TSC2: variants seen among roughly 807,000 people sequenced by gnomAD.
TSC2 encodes tuberin.
Under a neutral mutation model 202.2 loss-of-function variants are expected in TSC2, and 29 were observed. The observed-to-expected ratio is 0.14, with a 90% CI of 0.11 to 0.20. The LOEUF (loss-of-function observed/expected upper bound fraction) is 0.20, where lower values mean the gene tolerates loss of function less well. Ranked by LOEUF, TSC2 falls within the 10% of genes least tolerant of loss-of-function variation. TSC2 has a pLI of 1.00. For missense variants in TSC2, 2,429 were observed against 2,420.0 expected (o/e 1.00, Z -0.08); for synonymous variants, 1,349 against 1,044.0 (o/e 1.29, Z -5.63).
chr16:2,062,690 A>G, intron 13 of TSC2, 90 bp downstream of exon 13: 4 of 1,339,898 alleles, frequency 3.0e-6, no homozygotes, highest in Non-Finnish European at 2.1e-6. Flanking sequence ...AGGATGCCCG[A>G]TGAGCAGGGC....
intron 14 of TSC2, 144 bp from the exon 15 acceptor site, chr16:2,064,128 G>C (rs533009203): frequency 7.5e-7 from 1 of 1,338,394 alleles, no homozygotes; most frequent in African/African-American, 1.4e-5. Context: ...GCGCTCAGCG[G>C]GTGCTTGTGC....
chr16:2,073,802 A>C (rs1370874301), intron 21 of TSC2, among the ~76,000 whole-genome samples: 1 of 152,210 alleles, frequency 6.6e-6, no homozygotes, highest in Admixed American at 6.5e-5. Flanking sequence ...CTGGCAGGCC[A>C]TCTGGCCCCG....
chr16:2,076,480 C>G lies in TSC2; in HGVS notation c.2743-11C>G, dbSNP rs137854426. ...CCACCCCTCACTGTCTGGGTGTGCTCACTCTGCCAGGGCCTGCGGTCCAAT... is the reference window on the plus strand; with the variant it reads ...CCACCCCTCACTGTCTGGGTGTGCTGACTCTGCCAGGGCCTGCGGTCCAAT... On this transcript the variant is annotated splice_polypyrimidine_tract_variant and intron_variant, in intron 24 of 41. Coordinates refer to ENST00000219476, the MANE Select transcript of TSC2 (RefSeq NM_000548.5). 1 of 1,613,212 alleles carries G rather than the reference C, an allele frequency of 6.2e-7. No individual in the cohort carries two copies. The highest frequency in any genetic ancestry group is 2.2e-5 in the East Asian group (1 of 44,860).
rs45517332 is a variant in TSC2, at chr16:2,084,441, G to C, written c.4219G>C (p.Val1407Leu). The change falls in exon 34 of 42, where the codon GTG becomes CTG. Residue 1407 changes from valine (V) to leucine (L), a missense_variant. Physicochemically the swap from Val to Leu is conservative, Grantham distance 32 (BLOSUM62 1). Transcript: ENST00000219476. ...CGGGGACCCTGGGGACAAGGCCGAC[G>C]TGGGCCGGCTGAGCCCTGAGGTTAA... ...ILGDPGDKAD[V>L]GRLSPEVKAR... is the part of the protein sequence containing the mutation. 6.2e-7 allele frequency: 1 copy of C among 1,609,738 alleles called. No individual in the cohort carries two copies. The highest frequency in any genetic ancestry group is 1.1e-5 in the South Asian group (1 of 90,480).
At chr16:2,064,688 A>G in intron 15 of TSC2, 1 of 561,020 alleles carries the variant, frequency 1.8e-6, no homozygotes, top group Non-Finnish European at 3.2e-6. Flanking sequence ...CCGACGCTGG[A>G]GCCCAGACCT....
In TSC2 at chr16:2,048,557, G is replaced by C. The variant is rs1370409769; in HGVS notation, c.-29-30G>C. ...GGAAGGTGGGCAGAGGTGTTGCTCA[G>C]ATGTCCCCATTCCTGTTTCGTTTGC... On this transcript the variant is annotated intron_variant, in intron 1 of 41. Transcript: ENST00000219476. The C allele has an allele frequency of 2.5e-6, 4 of 1,612,884 alleles. No individual in the cohort carries two copies. The African/African-American group carries it at 4.0e-5, about 16-fold the overall frequency.
Position 2,056,512 on chromosome 16 carries a change from GGA to G in TSC2, c.649-126_649-125del, listed in dbSNP as rs2085847458. The G allele has an allele frequency of 4.3e-6, 6 of 1,391,192 alleles. No individual in the cohort carries two copies. The East Asian group carries it at 9.9e-5, about 23-fold the overall frequency. The allele number at this position is 1,391,192 out of a possible 1,614,324, so 86.2% of individuals were successfully genotyped here. Reference sequence around the variant, plus strand: ...CACATGCCCGCTTGCCCTGTGGCTTGGAGAGAGGGTGCCATGGCAGCGGGGAG... The same window carrying G: ...CACATGCCCGCTTGCCCTGTGGCTTGGAGAGGGTGCCATGGCAGCGGGGAG... On this transcript the variant is annotated intron_variant, in intron 7 of 41. Coordinates refer to ENST00000219476, the MANE Select transcript of TSC2 (RefSeq NM_000548.5).
chr16:2,048,201 T>C (rs1290060788), intron 1 of TSC2, 136 bp downstream of exon 1: 9 of 1,523,432 alleles, frequency 5.9e-6, no homozygotes, highest in Non-Finnish European at 6.2e-6. Context: ...GAGCATCCCT[T>C]AGTTTTAAGT....
Position 2,077,805 on chromosome 16 carries a change from C to T in TSC2, c.2966+79C>T, listed in dbSNP as rs1243167244. On this transcript the variant is annotated intron_variant, in intron 26 of 41. Coordinates refer to ENST00000219476, the MANE Select transcript of TSC2 (RefSeq NM_000548.5). ...ACCTGGGTGGCAGTGCATGGGGCTGCTTGCATGACCTCATCGTCTGCCCGT... is the reference window on the plus strand; with the variant it reads ...ACCTGGGTGGCAGTGCATGGGGCTGTTTGCATGACCTCATCGTCTGCCCGT... 4 of 1,595,004 alleles carry T rather than the reference C, an allele frequency of 2.5e-6. No individual in the cohort carries two copies. The South Asian group carries it at 3.3e-5, about 13-fold the overall frequency.
rs2151039421 is a variant in TSC2, at chr16:2,054,278, T to C, written c.337-18T>C. ...CGACGCTGGCAGGCTCTGCTGATCC[T>C]GTGGCTTTTGTCTTTAGGGCGAGCG... On this transcript the variant is annotated intron_variant, in intron 4 of 41. Transcript: ENST00000219476. 1 of 1,614,160 alleles carries C rather than the reference T, an allele frequency of 6.2e-7. No individual in the cohort carries two copies. Among genetic ancestry groups the C allele is most frequent in the Non-Finnish European group, 8.5e-7 (1 of 1,180,024 alleles).
At chr16:2,078,867 T>C in intron 26 of TSC2, 165 bp from the exon 27 acceptor site, 1 of 826,324 alleles carries the variant, frequency 1.2e-6, no homozygotes, top group Non-Finnish European at 2.0e-6. Context: ...GACAATGTGG[T>C]CCACGTGATT....
Position 2,079,714 on chromosome 16 carries a change from C to G in TSC2, c.3397+45C>G. ...ACCTCCACACAGGCACCGGGGCTCC[C>G]TCAGTTGCTGCTGGTCCCAGTGTTC... On this transcript the variant is annotated intron_variant, in intron 29 of 41. Transcript: ENST00000219476. This position sits in a 1 kb window ranked among gnomAD's most constrained non-coding sequence, Gnocchi z 4.6. 2 of 1,531,470 alleles carry G rather than the reference C, an allele frequency of 1.3e-6. No individual in the cohort carries two copies. Among genetic ancestry groups the G allele is most frequent in the Non-Finnish European group, 8.8e-7 (1 of 1,135,306 alleles). The allele number at this position is 1,531,470 out of a possible 1,614,324, so 94.9% of individuals were successfully genotyped here.
chr16:2,081,249 C>G (rs1304038368), intron 30 of TSC2: 1 of 393,142 alleles, frequency 2.5e-6, no homozygotes. Context: ...AGAGGGAGGC[C>G]TTTGCAGAGG....
chr16:2,087,977 T>G (rs2091067191), intron 39 of TSC2, 36 bp downstream of exon 39: 1 of 1,608,848 alleles, frequency 6.2e-7, no homozygotes, highest in South Asian at 1.1e-5. Flanking sequence ...GCAGGAAAGG[T>G]AGGGCCGGGT....
Position 2,082,598 on chromosome 16 carries a change from C to T in TSC2, c.3883+94C>T, listed in dbSNP as rs921923394. 4.3e-5 allele frequency: 61 copies of T among 1,403,406 alleles called. No homozygotes were observed. The highest frequency in any genetic ancestry group is 5.4e-5 in the Non-Finnish European group (54 of 1,002,830). 86.9% of individuals were successfully genotyped at this position (1,403,406 alleles called of 1,614,324 possible). On this transcript the variant is annotated intron_variant, in intron 32 of 41. Transcript: ENST00000219476. ...GCCTCATCCGCCCACCCCCATGGTC[C>T]GTCTGCCTCCATTGCCCTGGGGAGC...
intron 21 of TSC2, 93 bp from the exon 22 acceptor site, chr16:2,074,107 G>T (rs908662698): frequency 5.9e-6 from 9 of 1,537,284 alleles, no homozygotes; most frequent in Non-Finnish European, 8.0e-6. Flanking sequence ...AGCCTCGGCT[G>T]TTCTCCCGGT....
intron 26 of TSC2, 140 bp downstream of exon 26, chr16:2,077,866 A>G: frequency 7.0e-7 from 1 of 1,433,306 alleles, no homozygotes; most frequent in Admixed American, 1.9e-5. Flanking sequence ...GCCGGTGACG[A>G]GGGGTGGAAA....
At chr16:2,063,503 C>T in intron 14 of TSC2, 1 of 285,942 alleles carries the variant, frequency 3.5e-6, no homozygotes, top group Non-Finnish European at 6.8e-6. Flanking sequence ...TGGCCCCAGG[C>T]CCACCTTCCT....
chr16:2,048,351 G>T (rs2084625351), intron 1 of TSC2: 1 of 890,498 alleles, frequency 1.1e-6, no homozygotes, highest in Admixed American at 2.1e-5. Flanking sequence ...AGTCGGGCGG[G>T]GCGGGCGGCA....
Sources: allele counts gnomAD v4.1 joint callset (sites outside exome capture counted in the v4.1 genomes callset), GRCh38; gene constraint gnomAD v4.1.1; non-coding constraint Gnocchi (gnomAD v3.1); transcripts MANE v1.5; gene names NCBI Gene and HGNC (gene_info 2026-07-23, HGNC 2026-07-21).